GSPT1: variants seen among roughly 807,000 people sequenced by gnomAD.
GSPT1 encodes the protein eukaryotic peptide chain release factor GTP-binding subunit ERF3A.
GSPT1 carries 20 observed loss-of-function variants against 72.5 expected under a neutral mutation model. The ratio of observed to expected loss-of-function variants is 0.28; its 90% CI spans 0.19 to 0.40. GSPT1 has a LOEUF of 0.40. Ranked by LOEUF, GSPT1 falls within the 10% of genes least tolerant of loss-of-function variation. GSPT1 has a pLI of 1.00. For missense variants in GSPT1, 580 were observed against 811.9 expected (o/e 0.71, Z 3.47); for synonymous variants, 334 against 293.5 (o/e 1.14, Z -1.41).
intron 6 of GSPT1, 35 bp downstream of exon 6, chr16:11,891,027 A>G: frequency 1.1e-6 from 1 of 950,574 alleles, no homozygotes; most frequent in Non-Finnish European, 1.6e-6. Context: ...GTCTCCTTAA[A>G]AGTAATTTAT....
At chr16:11,891,252 T>C (rs1596465204) in intron 5 of GSPT1, 113 bp from the exon 6 acceptor site, 3 of 495,950 alleles carry the variant, frequency 6.0e-6, no homozygotes, top group Middle Eastern at 5.4e-4. Context: ...AGTTATTTTA[T>C]ATGTGTGTGT....
chr16:11,881,615 C>CA (rs1374502325), intron 11 of GSPT1: 2 of 146,848 alleles, frequency 1.4e-5, no homozygotes, highest in Non-Finnish European at 3.0e-5. Flanking sequence ...TTCCCTCCTT[C>CA]AGCCCCTTGC....
chr16:11,879,946 T>C (rs1289959111), intron 11 of GSPT1, among the ~76,000 whole-genome samples: 1 of 152,208 alleles, frequency 6.6e-6, no homozygotes, highest in African/African-American at 2.4e-5. Context: ...TTTAAAATAT[T>C]GTACAACCAA....
chr16:11,897,538 T>C (rs997331346), intron 3 of GSPT1, among the ~76,000 whole-genome samples: 2 of 151,996 alleles, frequency 1.3e-5, no homozygotes, highest in Non-Finnish European at 1.5e-5. Flanking sequence ...TGACCCAAGA[T>C]TGCACCACTA....
chr16:11,909,289 C>T (rs947916206), intron 1 of GSPT1, among the ~76,000 whole-genome samples: 6 of 152,182 alleles, frequency 3.9e-5, no homozygotes, highest in East Asian at 1.9e-4. Flanking sequence ...AAGCCATTTA[C>T]GAAGGAGCCA....
intron 4 of GSPT1, chr16:11,895,236 G>A (rs1381644283): frequency 6.8e-6 from 2 of 293,964 alleles, no homozygotes; most frequent in Non-Finnish European, 1.3e-5. Context: ...TTCGAGACCA[G>A]CCTGGCCAAC....
In GSPT1 at chr16:11,886,926, G is replaced by A; in HGVS notation, c.963C>T (p.Ile321=). 1 of 1,612,398 alleles carries A rather than the reference G, an allele frequency of 6.2e-7. No individual in the cohort carries two copies. The highest frequency in any genetic ancestry group is 1.3e-5 in the African/African-American group (1 of 74,658). ...ASQADLAVLV[I]SARKGEFETG... ...TTTCAAACTCTCCTTTCCTGGCTGA[G>A]ATTACCTAATTCCAAGAAAGGAAAC... Residue 321 remains isoleucine, a synonymous_variant, in exon 8 of 15, where the codon ATC becomes ATT. Transcript: ENST00000434724.
intron 10 of GSPT1, among the ~76,000 whole-genome samples, chr16:11,883,871 C>T (rs1304715425): frequency 6.6e-6 from 1 of 151,496 alleles, no homozygotes; most frequent in Non-Finnish European, 1.5e-5. Flanking sequence ...CGAGATCATG[C>T]CACTGCACTC....
At chr16:11,883,116 A>G in intron 10 of GSPT1, 21 bp from the exon 11 acceptor site, 1 of 1,504,730 alleles carries the variant, frequency 6.6e-7, no homozygotes, top group East Asian at 2.3e-5. Flanking sequence ...GTAAAATAAA[A>G]TCCAGTTTCA....
At chr16:11,888,997 A>C (rs893276834) in intron 6 of GSPT1, among the ~76,000 whole-genome samples, 1 of 152,098 alleles carries the variant, frequency 6.6e-6, no homozygotes, top group Non-Finnish European at 1.5e-5. Flanking sequence ...GGCTGTCTTG[A>C]GAGTTAAAGG....
chr16:11,876,584 A>G (rs2054049850), intron 12 of GSPT1, among the ~76,000 whole-genome samples: 1 of 152,168 alleles, frequency 6.6e-6, no homozygotes, highest in Non-Finnish European at 1.5e-5. Flanking sequence ...TCTACTAAAA[A>G]TACAAAACAA....
chr16:11,900,160 CCT>C (rs890529147), intron 1 of GSPT1, among the ~76,000 whole-genome samples: 3 of 151,820 alleles, frequency 2.0e-5, no homozygotes, highest in Non-Finnish European at 4.4e-5. Flanking sequence ...ATGGCAAAAC[CCT>C]GTCTCTACTG....
upstream of GSPT1, among the ~76,000 whole-genome samples, chr16:11,916,381 C>T (rs1333927440): frequency 6.6e-6 from 1 of 152,210 alleles, no homozygotes; most frequent in Admixed American, 6.5e-5. Context: ...TGGACACAGG[C>T]TGGGGGAAAA....
At chr16:11,907,885 T>A (rs565219148) in intron 1 of GSPT1, among the ~76,000 whole-genome samples, 2 of 152,302 alleles carry the variant, frequency 1.3e-5, no homozygotes, top group East Asian at 3.9e-4. Flanking sequence ...GTAACTAAAA[T>A]TCCATTATGT....
rs73511681 is a variant in GSPT1 at position 11,897,700 on chromosome 16, C to T, written c.436+140G>A. On this transcript the variant is annotated intron_variant, in intron 3 of 14. Coordinates refer to ENST00000434724, the MANE Select transcript of GSPT1 (RefSeq NM_002094.4). ...CAGTGTTAGTGCCTAGTTTGTTCTA[C>T]TTTCTAAATACTAATAGCAAAGACT... The T allele has an allele frequency of 1.3e-5, 8 of 626,722 alleles. No individual in the cohort carries two copies. In the Admixed American group the frequency reaches 2.2e-4, roughly 17 times the overall value. 38.8% of individuals were successfully genotyped at this position (626,722 alleles called of 1,614,324 possible). A position where few individuals can be genotyped will look rare whatever the true frequency, so the allele number is the denominator to read the frequency against.
chr16:11,909,453 T>C (rs2054530073), intron 1 of GSPT1, among the ~76,000 whole-genome samples: 1 of 152,162 alleles, frequency 6.6e-6, no homozygotes, highest in Non-Finnish European at 1.5e-5. Context: ...GTAGCCAAAT[T>C]CTTGTCTCCC....
intron 1 of GSPT1, among the ~76,000 whole-genome samples, chr16:11,913,164 A>T (rs1048067814): frequency 2.6e-5 from 4 of 152,144 alleles, no homozygotes; most frequent in Admixed American, 2.6e-4. Flanking sequence ...ATAAGCACTG[A>T]TTGTTCTCCG....
rs2053972207 is a variant in GSPT1, at chr16:11,871,009, G to A, written c.*2110C>T. ...TCTGGAAGTGATTTCCGTGGCTCTT[G>A]AACTTTTAAATATTCATTAAAATTC... On this transcript the variant is annotated 3_prime_UTR_variant, in exon 15 of 15. Transcript: ENST00000434724. 1.3e-5 allele frequency: 2 copies of A among 152,020 alleles called. No homozygotes were observed. Among genetic ancestry groups the A allele is most frequent in the Admixed American group, 1.3e-4 (2 of 15,254 alleles). The allele number at this position is 152,020 out of a possible 1,614,324, so 9.4% of individuals were successfully genotyped here.
At chr16:11,886,700 AC>A in intron 8 of GSPT1, 76 bp downstream of exon 8, 1 of 1,551,768 alleles carries the variant, frequency 6.4e-7, no homozygotes, top group Non-Finnish European at 8.8e-7. Flanking sequence ...GTTTAGAAAA[AC>A]CCTAGAGAAA....
Sources: allele counts gnomAD v4.1 joint callset (sites outside exome capture counted in the v4.1 genomes callset), GRCh38; gene constraint gnomAD v4.1.1; transcripts MANE v1.5; gene names NCBI Gene and HGNC (gene_info 2026-07-23, HGNC 2026-07-21).